Variants in DAND5 observed in about 807,000 individuals in gnomAD.
DAND5 encodes DAN domain BMP antagonist family member 5.
A neutral mutation model predicts 9.2 loss-of-function variants in DAND5; 8 were observed. That is an observed-to-expected ratio of 0.87 (90% CI 0.51 to 1.56). DAND5 has a LOEUF of 1.56. Ranked by LOEUF, DAND5 falls within the 40% of genes most tolerant of loss-of-function variation. The probability of loss-of-function intolerance (pLI) is 0.00; values close to 1 mark genes in which losing one functional copy is unlikely to be tolerated. For missense variants in DAND5, 244 were observed against 244.7 expected (o/e 1.00, Z 0.02); for synonymous variants, 95 against 101.1 (o/e 0.94, Z 0.36).
At position 12,969,720 on chromosome 19, in the gene DAND5, C is replaced by T. The variant is rs1209294633; in HGVS notation, c.60C>T (p.Gly20=). ...LCLLSGALPT[G]SGRPEPQSPR... ...TGCTTAGCGGGGCCCTGCCTACAGG[C>T]TCAGGGAGGCCTGAACCCCAGTCTC... Residue 20 remains glycine (G), a synonymous_variant, in exon 1 of 2, where the codon GGC becomes GGT. Transcript: ENST00000317060. 6.2e-7 allele frequency: 1 copy of T among 1,604,668 alleles called. No homozygotes were observed. The highest frequency in any genetic ancestry group is 2.2e-5 in the East Asian group (1 of 44,830).
At position 12,969,690 on chromosome 19, in the gene DAND5, G is replaced by A. The variant is rs767162205; in HGVS notation, c.30G>A (p.Leu10=). MLLGQLSTL[L]CLLSGALPTG... is the part of the protein sequence containing the mutation. ...TCCTTGGCCAGCTATCCACTCTTCT[G>A]TGCCTGCTTAGCGGGGCCCTGCCTA... The change falls in exon 1 of 2, where the codon CTG becomes CTA. Residue 10 remains leucine (L), a synonymous_variant. Coordinates refer to ENST00000317060, the MANE Select transcript of DAND5 (RefSeq NM_152654.3). 2.0e-5 allele frequency: 32 copies of A among 1,607,676 alleles called. No homozygotes were observed. The South Asian group carries it at 3.4e-4, about 17-fold the overall frequency.
chr19:12,970,126 T>C, intron 1 of DAND5, 142 bp downstream of exon 1: 4 of 1,025,266 alleles, frequency 3.9e-6, no homozygotes, highest in Non-Finnish European at 5.6e-6. Flanking sequence ...CCTTGTAAAA[T>C]GCGACCCAAG....
In DAND5 at chr19:12,973,482, A is replaced by C. The variant is rs1197072443; in HGVS notation, c.418A>C (p.Thr140Pro). The C allele has an allele frequency of 6.2e-7, 1 of 1,613,738 alleles. No individual in the cohort carries two copies. Among genetic ancestry groups the C allele is most frequent in the South Asian group, 1.1e-5 (1 of 91,058 alleles). ...TCTCTACATCCCTGGCTCGGACCCCACCCCACTAGTCCTGTGCAACAGCTG... is the reference window on the plus strand; with the variant it reads ...TCTCTACATCCCTGGCTCGGACCCCCCCCCACTAGTCCTGTGCAACAGCTG... ...SSLYIPGSDP[T>P]PLVLCNSCMP... Residue 140 changes from threonine (T) to proline (P), a missense_variant, in exon 2 of 2, where the codon ACC becomes CCC. Thr to Pro is a conservative substitution (Grantham distance 38, BLOSUM62 -1). Coordinates refer to ENST00000317060, the MANE Select transcript of DAND5 (RefSeq NM_152654.3).
chr19:12,970,510 T>A (rs142635302), intron 1 of DAND5: 11,519 of 698,006 alleles, frequency 0.017, 137 homozygotes, highest in Non-Finnish European at 0.022. Flanking sequence ...CAAGCAATCC[T>A]CCCACCTCAG....
At position 12,973,594 on chromosome 19, in the gene DAND5, C is replaced by T. The variant is rs762192599; in HGVS notation, c.530C>T (p.Thr177Ile). The change falls in exon 2 of 2, where the codon ACC (threonine) becomes ATC (isoleucine). Residue 177 changes from threonine to isoleucine, a missense_variant. Transcript: ENST00000317060. ...SASRRRVKISTMLIEGCHCSP... is the reference protein window; with the variant it reads ...SASRRRVKISIMLIEGCHCSP... ...TCCCGTCGACGGGTGAAGATATCCA[C>T]CATGCTGATCGAGGGGTGTCACTGC... 1.5e-5 allele frequency: 25 copies of T among 1,613,998 alleles called. No homozygotes were observed. Among genetic ancestry groups the T allele is most frequent in the Non-Finnish European group, 1.9e-5 (22 of 1,180,026 alleles).
In DAND5 at chr19:12,973,621, G is replaced by A. The variant is rs752177513; in HGVS notation, c.557G>A (p.Ser186Asn). The A allele has an allele frequency of 2.3e-5, 37 of 1,613,858 alleles. 1 individual carries two copies. The South Asian group carries it at 4.0e-4, about 17-fold the overall frequency. The change falls in exon 2 of 2, where the codon AGC (serine) becomes AAC (asparagine). Residue 186 changes from serine to asparagine, a missense_variant. Physicochemically the swap from Ser to Asn is conservative, Grantham distance 46 (BLOSUM62 1). Transcript: ENST00000317060. ...ATGCTGATCGAGGGGTGTCACTGCA[G>A]CCCAAAAGCATGAACTGAGCATCGT... is the stretch of plus-strand genomic sequence containing the variant. ...STMLIEGCHC[S>N]PKA
At chr19:12,973,341 T>C (rs754110628) in intron 1 of DAND5, 48 bp from the exon 2 acceptor site, 1 of 1,593,550 alleles carries the variant, frequency 6.3e-7, no homozygotes. Context: ...CTCGCCACTC[T>C]GGCCCCAAAC....
rs112524225 is a variant in DAND5 at position 12,974,035 on chromosome 19, T to C, written c.*401T>C. Reference sequence around the variant, plus strand: ...CCGCCAACACGCCCGGCTAATTTTTTGTATTTTTAGTAAAGACAGGGTTTC... The same window carrying C: ...CCGCCAACACGCCCGGCTAATTTTTCGTATTTTTAGTAAAGACAGGGTTTC... On this transcript the variant is annotated 3_prime_UTR_variant, in exon 2 of 2. Coordinates refer to ENST00000317060, the MANE Select transcript of DAND5 (RefSeq NM_152654.3). 0.083 allele frequency: 15,290 copies of C among 183,568 alleles called. 1,338 individuals are homozygous for C. The highest frequency in any genetic ancestry group is 0.25 in the African/African-American group (10,230 of 40,562). 11.4% of individuals were successfully genotyped at this position (183,568 alleles called of 1,614,324 possible). A position where few individuals can be genotyped will look rare whatever the true frequency, so the allele number is the denominator to read the frequency against.
chr19:12,970,860 T>C (rs1262870511), intron 1 of DAND5, among the ~76,000 whole-genome samples: 1 of 152,162 alleles, frequency 6.6e-6, no homozygotes, highest in African/African-American at 2.4e-5. Context: ...TTTGTACTTT[T>C]TGTAGAGACG....
intron 1 of DAND5, among the ~76,000 whole-genome samples, chr19:12,971,630 C>T (rs192783955): frequency 3.3e-5 from 5 of 150,832 alleles, no homozygotes; most frequent in Admixed American, 1.3e-4. Context: ...CTCACTCTGT[C>T]GCCTAGGCTG....
At position 12,974,749 on chromosome 19, in the gene DAND5, A is replaced by T. The variant is rs1260366307; in HGVS notation, c.*1115A>T. On this transcript the variant is annotated 3_prime_UTR_variant, in exon 2 of 2. Coordinates refer to ENST00000317060, the MANE Select transcript of DAND5 (RefSeq NM_152654.3). The stretch of plus-strand genomic sequence containing the variant: ...CCACAGAAACCATAAAGGTTGGCTG[A>T]GTCCAGCTGTCTATATGTGCATCTG... 6.6e-6 allele frequency: 1 copy of T among 152,506 alleles called. No homozygotes were observed. Among genetic ancestry groups the T allele is most frequent in the Non-Finnish European group, 1.5e-5 (1 of 68,280 alleles). The allele number at this position is 152,506 out of a possible 1,614,324, so 9.4% of individuals were successfully genotyped here.
rs766470279 is a variant in DAND5 at position 12,970,554 on chromosome 19, C to T, written c.324+570C>T. On this transcript the variant is annotated intron_variant, in intron 1 of 1. Coordinates refer to ENST00000317060, the MANE Select transcript of DAND5 (RefSeq NM_152654.3). ...GTTCTAGGTGTGAGCCCGTCTCTTG[C>T]TTGATATACCAACTTTCTTTCTTTT... is the stretch of plus-strand genomic sequence containing the variant. 29 of 531,918 alleles carry T rather than the reference C, an allele frequency of 5.5e-5. No individual in the cohort carries two copies. The East Asian group carries it at 8.9e-4, about 16-fold the overall frequency. The allele number at this position is 531,918 out of a possible 1,614,324, so 32.9% of individuals were successfully genotyped here. A position where few individuals can be genotyped will look rare whatever the true frequency, so the allele number is the denominator to read the frequency against.
At chr19:12,970,187 C>G (rs746233522) in intron 1 of DAND5, among the ~76,000 whole-genome samples, 20 of 151,822 alleles carry the variant, frequency 1.3e-4, no homozygotes, top group Non-Finnish European at 2.4e-4. Context: ...CTCTCCACCC[C>G]CCAGTCTATT....
chr19:12,972,539 A>G (rs1221683581), intron 1 of DAND5, among the ~76,000 whole-genome samples: 1 of 151,368 alleles, frequency 6.6e-6, no homozygotes, highest in African/African-American at 2.4e-5. Flanking sequence ...CATTTAATTA[A>G]TTTATTTGTT....
At chr19:12,972,327 G>A (rs1480562218) in intron 1 of DAND5, among the ~76,000 whole-genome samples, 1 of 151,936 alleles carries the variant, frequency 6.6e-6, no homozygotes, top group Non-Finnish European at 1.5e-5. Flanking sequence ...CCAAAGTGCT[G>A]GGATTATAGG....
At chr19:12,971,783 G>A (rs1269570799) in intron 1 of DAND5, among the ~76,000 whole-genome samples, 2 of 151,486 alleles carry the variant, frequency 1.3e-5, no homozygotes, top group Non-Finnish European at 2.9e-5. Context: ...TAGAGGCGGG[G>A]TTTCACTATG....
chr19:12,973,259 A>T, intron 1 of DAND5, 130 bp from the exon 2 acceptor site: 1 of 1,336,714 alleles, frequency 7.5e-7, no homozygotes, highest in Non-Finnish European at 1.0e-6. Context: ...CAGAGTCAGG[A>T]TTTGAACCCA....
intron 1 of DAND5, chr19:12,970,613 TTTTC>T (rs891027142): frequency 1.9e-4 from 90 of 481,558 alleles, no homozygotes; most frequent in East Asian, 8.6e-4. Flanking sequence ...TCTTTCTTTC[TTTTC>T]TTTCTTTGTT....
In DAND5 at chr19:12,969,752, C is replaced by A; in HGVS notation, c.92C>A (p.Pro31His). ...AGGCCTGAACCCCAGTCTCCTCGAC[C>A]TCAGTCCTGGGCTGCAGCCAATCAG... is the stretch of plus-strand genomic sequence containing the variant. Reference protein sequence around the residue: ...SGRPEPQSPRPQSWAAANQTW... With the variant: ...SGRPEPQSPRHQSWAAANQTW... The change falls in exon 1 of 2, where the codon CCT (proline) becomes CAT (histidine). Residue 31 changes from proline (P) to histidine (H), a missense_variant. By Grantham distance (77) the Pro-to-His change is moderately conservative (BLOSUM62 -2). Coordinates refer to ENST00000317060, the MANE Select transcript of DAND5 (RefSeq NM_152654.3). 1 of 1,591,186 alleles carries A rather than the reference C, an allele frequency of 6.3e-7. No individual in the cohort carries two copies. The highest frequency in any genetic ancestry group is 8.5e-7 in the Non-Finnish European group (1 of 1,169,736).
Sources: allele counts gnomAD v4.1 joint callset (sites outside exome capture counted in the v4.1 genomes callset), GRCh38; gene constraint gnomAD v4.1.1; transcripts MANE v1.5; gene names NCBI Gene and HGNC (gene_info 2026-07-23, HGNC 2026-07-21).